FARS2: variants seen among roughly 807,000 people sequenced by gnomAD.
FARS2 encodes phenylalanyl-tRNA synthetase 2, mitochondrial.
FARS2 carries 40 observed loss-of-function variants against 46.4 expected under a neutral mutation model. The ratio of observed to expected loss-of-function variants is 0.86; its 90% CI spans 0.67 to 1.12. FARS2 has a LOEUF of 1.12. Ranked by LOEUF, FARS2 falls within the 50% of genes most tolerant of loss-of-function variation. The pLI, the probability that FARS2 is intolerant of heterozygous loss-of-function variation, is 0.00. For synonymous variants in FARS2, 234 were observed against 214.9 expected, an observed-to-expected ratio of 1.09 and a Z score of -0.78; for missense variants, 513 against 567.9, an observed-to-expected ratio of 0.90 and a Z score of 0.98.
At chr6:5,596,661 A>G (rs1774218741) in intron 5 of FARS2, among the ~76,000 whole-genome samples, 1 of 152,216 alleles carries the variant, frequency 6.6e-6, no homozygotes, top group Admixed American at 6.5e-5. Flanking sequence ...CAAATAGTTA[A>G]TATTCTTAAA....
chr6:5,300,955 A>T (rs1768259092), intron 1 of FARS2, among the ~76,000 whole-genome samples: 1 of 151,814 alleles, frequency 6.6e-6, no homozygotes, highest in South Asian at 2.1e-4. Flanking sequence ...GGCTGGTCTC[A>T]ATCTGCCTGC....
chr6:5,279,123 AC>A (rs758545895), intron 1 of FARS2, among the ~76,000 whole-genome samples: 48 of 152,206 alleles, frequency 3.2e-4, no homozygotes, highest in Non-Finnish European at 6.2e-4. Context: ...GATGCCTGTA[AC>A]CCCAGCATTT....
intron 5 of FARS2, among the ~76,000 whole-genome samples, chr6:5,596,750 T>G (rs1774222512): frequency 6.6e-6 from 1 of 152,156 alleles, no homozygotes. Flanking sequence ...ACCCTGCAAG[T>G]CGGATGTGAA....
intron 6 of FARS2, among the ~76,000 whole-genome samples, chr6:5,695,483 G>C (rs1396926907): frequency 6.6e-6 from 1 of 152,270 alleles, no homozygotes; most frequent in East Asian, 1.9e-4. Context: ...ACCATTTACT[G>C]AACACTTCCT....
At chr6:5,614,921 C>G (rs573261936) in intron 6 of FARS2, among the ~76,000 whole-genome samples, 1 of 152,176 alleles carries the variant, frequency 6.6e-6, no homozygotes, top group African/African-American at 2.4e-5. Context: ...AAAATCTTGG[C>G]TTGGTCTTTC....
At position 5,295,612 on chromosome 6, in the gene FARS2, A is replaced by C. The variant is rs185408767; in HGVS notation, c.-22+33952A>C. Among the ~76,000 whole-genome samples the C allele has an allele frequency of 2.0e-3, 306 of 152,374 alleles. 3 individuals carry two copies. In the Middle Eastern group the frequency reaches 0.027, roughly 14 times the overall value. ...TTCTTCTCTCTTCTGTCAGATTTAT[A>C]GGATAACCATAGTCTTTGAAACTAT... On this transcript the variant is annotated intron_variant, in intron 1 of 6. Transcript: ENST00000274680.
intron 5 of FARS2, among the ~76,000 whole-genome samples, chr6:5,607,077 C>T (rs926313): frequency 0.58 from 88,762 of 151,936 alleles, 26,127 homozygotes; most frequent in East Asian, 0.83. Flanking sequence ...AGAAAAAATA[C>T]GGAATTTAAA....
chr6:5,534,956 A>G (rs972081545), intron 4 of FARS2, among the ~76,000 whole-genome samples: 7 of 152,192 alleles, frequency 4.6e-5, no homozygotes, highest in Admixed American at 1.3e-4. Context: ...TGCTTTCCAC[A>G]GCAGCCGCGC....
intron 1 of FARS2, among the ~76,000 whole-genome samples, chr6:5,320,396 T>A (rs1270107741): frequency 1.3e-5 from 2 of 152,234 alleles, no homozygotes; most frequent in African/African-American, 2.4e-5. Flanking sequence ...GAGATTCACC[T>A]CTGCTGACTG....
chr6:5,496,100 C>T (rs553351408), intron 4 of FARS2, among the ~76,000 whole-genome samples: 39 of 152,308 alleles, frequency 2.6e-4, no homozygotes, highest in African/African-American at 7.7e-4. Context: ...TTCCCGATTA[C>T]TACGGCCATA....
rs374009001 is a variant in FARS2, at chr6:5,771,268, C to A, written c.1218-23C>A. 4 of 1,613,784 alleles carry A rather than the reference C, an allele frequency of 2.5e-6. No individual in the cohort carries two copies. In the African/African-American group the frequency reaches 5.3e-5, roughly 22 times the overall value. On this transcript the variant is annotated intron_variant, in intron 6 of 6. Transcript: ENST00000274680. ...ACAGCCTTGTTCATCCCGCACTCAC[C>A]TGTGTTCTCTTCCTCTCTGTAGGAC...
chr6:5,632,217 G>A (rs779570634), intron 6 of FARS2, among the ~76,000 whole-genome samples: 3 of 152,126 alleles, frequency 2.0e-5, no homozygotes, highest in Non-Finnish European at 4.4e-5. Context: ...ATTATAGGAG[G>A]AGAATCTCTT....
In FARS2 at chr6:5,368,980, G is replaced by A; in HGVS notation, c.410G>A (p.Ser137Asn). Residue 137 changes from serine (S) to asparagine (N), a missense_variant, in exon 2 of 7, where the codon AGC becomes AAC. Coordinates refer to ENST00000274680, the MANE Select transcript of FARS2 (RefSeq NM_006567.5). Reference sequence around the variant, plus strand: ...CTGCTCATCCCAGCTGATCACCCCAGCAGGAAGAAGGGGGACAACTATTAC... The same window carrying A: ...CTGCTCATCCCAGCTGATCACCCCAACAGGAAGAAGGGGGACAACTATTAC... ...DSLLIPADHP[S>N]RKKGDNYYLN... 1 of 1,614,150 alleles carries A rather than the reference G, an allele frequency of 6.2e-7. No individual in the cohort carries two copies. Among genetic ancestry groups the A allele is most frequent in the African/African-American group, 1.3e-5 (1 of 75,032 alleles).
chr6:5,742,115 A>G (rs144995891), intron 6 of FARS2, among the ~76,000 whole-genome samples: 183 of 152,340 alleles, frequency 1.2e-3, no homozygotes, highest in African/African-American at 4.3e-3. Context: ...TCTAAGATGA[A>G]TAGGTACGTT....
intron 6 of FARS2, among the ~76,000 whole-genome samples, chr6:5,770,851 C>A (rs954234617): frequency 6.6e-6 from 1 of 152,170 alleles, no homozygotes. Flanking sequence ...CTTGCTGATA[C>A]TTCAGTTTGC....
intron 1 of FARS2, among the ~76,000 whole-genome samples, chr6:5,346,709 T>G (rs1208122982): frequency 3.3e-5 from 5 of 152,210 alleles, no homozygotes; most frequent in Non-Finnish European, 5.9e-5. Flanking sequence ...ACTTGCTTTA[T>G]ATTCACATAT....
At chr6:5,560,143 G>A (rs996818452) in intron 5 of FARS2, among the ~76,000 whole-genome samples, 9 of 152,192 alleles carry the variant, frequency 5.9e-5, no homozygotes, top group East Asian at 5.8e-4. Flanking sequence ...AAATTAAAAC[G>A]TAATTAAATG....
intron 3 of FARS2, among the ~76,000 whole-genome samples, chr6:5,407,043 T>C (rs987210942): frequency 2.4e-5 from 2 of 83,904 alleles, no homozygotes; most frequent in African/African-American, 9.7e-5. Context: ...AGGTGGCAAA[T>C]TATATATATA....
At chr6:5,288,915 A>C (rs768231151) in intron 1 of FARS2, among the ~76,000 whole-genome samples, 3 of 152,196 alleles carry the variant, frequency 2.0e-5, no homozygotes, top group Non-Finnish European at 2.9e-5. Flanking sequence ...GGGCTGTTGT[A>C]AACATATATA....
Sources: gnomAD v4.1 joint callset for allele counts (sites outside exome capture counted in the v4.1 genomes callset) on GRCh38, gnomAD v4.1.1 for gene constraint, MANE v1.5 for transcripts, NCBI Gene and HGNC (gene_info 2026-07-23, HGNC 2026-07-21) for gene names.